Variants in SLC9A9 observed in about 807,000 individuals in gnomAD.
The protein encoded by SLC9A9 is solute carrier family 9 member A9, also known as sodium/hydrogen exchanger 9.
SLC9A9 carries 62 observed loss-of-function variants against 77.8 expected under a neutral mutation model. The observed-to-expected ratio is 0.80, with a 90% CI of 0.65 to 0.98. The LOEUF is 0.98. Ranked by LOEUF, SLC9A9 falls within the 50% of genes least tolerant of loss-of-function variation. The pLI, the probability that SLC9A9 is intolerant of heterozygous loss-of-function variation, is 0.00. For synonymous variants in SLC9A9, 320 were observed against 283.5 expected, an observed-to-expected ratio of 1.13 and a Z score of -1.29; for missense variants, 775 against 774.9, an observed-to-expected ratio of 1.00 and a Z score of 0.00.
intron 9 of SLC9A9, among the ~76,000 whole-genome samples, chr3:143,514,091 C>A (rs531468148): frequency 6.6e-6 from 1 of 152,044 alleles, no homozygotes; most frequent in Non-Finnish European, 1.5e-5. Context: ...TGAGAACATG[C>A]GGCGTTTGGT....
At chr3:143,847,056 T>G (rs1354541958) in intron 1 of SLC9A9, among the ~76,000 whole-genome samples, 1 of 152,138 alleles carries the variant, frequency 6.6e-6, no homozygotes, top group Non-Finnish European at 1.5e-5. Flanking sequence ...ACTTAAGGCT[T>G]AGGATTCCTT....
chr3:143,638,088 T>C (rs989405529), intron 6 of SLC9A9, among the ~76,000 whole-genome samples: 1 of 152,204 alleles, frequency 6.6e-6, no homozygotes, highest in Non-Finnish European at 1.5e-5. Context: ...AAGTAAGAAT[T>C]AACTCTGCCA....
At chr3:143,307,784 G>T (rs752403456) in intron 14 of SLC9A9, among the ~76,000 whole-genome samples, 8 of 152,032 alleles carry the variant, frequency 5.3e-5, no homozygotes, top group Non-Finnish European at 7.4e-5. Context: ...TGCCTTTAAG[G>T]ACCTACATGC....
At chr3:143,534,048 C>T (rs555776153) in intron 9 of SLC9A9, among the ~76,000 whole-genome samples, 1 of 152,230 alleles carries the variant, frequency 6.6e-6, no homozygotes, top group Admixed American at 6.5e-5. Flanking sequence ...CCATATTTCA[C>T]TTAAAAACTG....
At chr3:143,651,163 G>C (rs1261817491) in intron 6 of SLC9A9, among the ~76,000 whole-genome samples, 2 of 152,122 alleles carry the variant, frequency 1.3e-5, no homozygotes, top group African/African-American at 2.4e-5. Context: ...AATTGTTCTT[G>C]GTGTTTCTTT....
chr3:143,589,273 A>G (rs1331661692), intron 6 of SLC9A9, among the ~76,000 whole-genome samples: 1 of 152,192 alleles, frequency 6.6e-6, no homozygotes, highest in Non-Finnish European at 1.5e-5. Flanking sequence ...TCCATTATAG[A>G]TAAGGAAATT....
chr3:143,645,277 G>A (rs1223137477), intron 6 of SLC9A9, among the ~76,000 whole-genome samples: 3 of 152,084 alleles, frequency 2.0e-5, no homozygotes, highest in Admixed American at 6.6e-5. Flanking sequence ...TCAAGATGAC[G>A]TTACCAAGAG....
intron 8 of SLC9A9, 59 bp from the exon 9 acceptor site, chr3:143,552,509 G>A: frequency 2.1e-6 from 3 of 1,432,698 alleles, no homozygotes; most frequent in Non-Finnish European, 2.9e-6. Context: ...CAAGTCAAAG[G>A]TTAGGGCTAT....
intron 6 of SLC9A9, among the ~76,000 whole-genome samples, chr3:143,606,429 TCTCTCTCTA>T (rs1243681196): frequency 1.2e-5 from 1 of 86,850 alleles, no homozygotes; most frequent in East Asian, 3.6e-4. Context: ...TCTCTCTCTC[TCTCTCTCTA>T]TATATATATA....
At chr3:143,710,822 C>T (rs1341335152) in intron 4 of SLC9A9, among the ~76,000 whole-genome samples, 5 of 152,154 alleles carry the variant, frequency 3.3e-5, no homozygotes, top group African/African-American at 1.2e-4. Flanking sequence ...TTTCATATCC[C>T]CTCAGGTATA....
chr3:143,757,563 A>G (rs1320577386), intron 4 of SLC9A9, among the ~76,000 whole-genome samples: 1 of 152,100 alleles, frequency 6.6e-6, no homozygotes, highest in Non-Finnish European at 1.5e-5. Flanking sequence ...TGCTCATTGC[A>G]AGTCAATGGA....
intron 4 of SLC9A9, among the ~76,000 whole-genome samples, chr3:143,776,614 T>C (rs2108843846): frequency 6.6e-6 from 1 of 152,274 alleles, no homozygotes; most frequent in African/African-American, 2.4e-5. Flanking sequence ...AGAGAAGGAT[T>C]TTTATAAATT....
intron 13 of SLC9A9, among the ~76,000 whole-genome samples, chr3:143,373,590 A>G (rs2033106032): frequency 6.8e-6 from 1 of 147,060 alleles, no homozygotes; most frequent in Admixed American, 6.8e-5. Flanking sequence ...TGTATCCCCA[A>G]AGCCACTGAA....
chr3:143,624,068 G>A (rs2038272332), intron 6 of SLC9A9, among the ~76,000 whole-genome samples: 2 of 152,160 alleles, frequency 1.3e-5, no homozygotes, highest in Admixed American at 1.3e-4. Context: ...AAACCAGGAA[G>A]AAGTTGAATC....
chr3:143,744,645 G>A (rs2069040), intron 4 of SLC9A9, among the ~76,000 whole-genome samples: 13,536 of 152,178 alleles, frequency 0.089, 780 homozygotes, highest in African/African-American at 0.16. Flanking sequence ...TTACCATTCT[G>A]TGCTCTAATG....
At chr3:143,697,352 C>T (rs1055699290) in intron 4 of SLC9A9, among the ~76,000 whole-genome samples, 1 of 152,078 alleles carries the variant, frequency 6.6e-6, no homozygotes, top group Non-Finnish European at 1.5e-5. Flanking sequence ...AATTCGATGA[C>T]TCCTCCTTTT....
At chr3:143,406,978 G>GAAAAAAAAAAAAAAAAAAGAAAAAAAAA (rs2033995003) in intron 12 of SLC9A9, among the ~76,000 whole-genome samples, 1 of 69,394 alleles carries the variant, frequency 1.4e-5, no homozygotes, top group Admixed American at 1.6e-4. Flanking sequence ...TCCATCTCGA[G>GAAAAAAAAAAAAAAAAAAGAAAAAAAAA]AAAAAAAAAA....
intron 12 of SLC9A9, among the ~76,000 whole-genome samples, chr3:143,386,477 T>A (rs1050622902): frequency 6.6e-6 from 1 of 152,260 alleles, no homozygotes; most frequent in Non-Finnish European, 1.5e-5. Context: ...TGTCTCCATC[T>A]TGGTTTCCTC....
chr3:143,686,141 T>C (rs572408329), intron 5 of SLC9A9, among the ~76,000 whole-genome samples: 2 of 152,246 alleles, frequency 1.3e-5, no homozygotes, highest in South Asian at 4.1e-4. Context: ...CATTTCATAA[T>C]TGAAAAGAGA....
Sources: gnomAD v4.1 joint callset for allele counts (sites outside exome capture counted in the v4.1 genomes callset) on GRCh38, gnomAD v4.1.1 for gene constraint, MANE v1.5 for transcripts, NCBI Gene and HGNC (gene_info 2026-07-23, HGNC 2026-07-21) for gene names.